AGK: variants seen among roughly 807,000 people sequenced by gnomAD.
AGK encodes the protein acylglycerol kinase, mitochondrial.
In AGK, 52 loss-of-function variants were observed where a neutral mutation model predicts 66.4. That is an observed-to-expected ratio of 0.78 (90% CI 0.63 to 0.99). The LOEUF (loss-of-function observed/expected upper bound fraction) is 0.99, where lower values mean the gene tolerates loss of function less well. Among genes scored for constraint, AGK ranks in the 50% least tolerant of loss-of-function variants. The probability of loss-of-function intolerance (pLI) is 0.00; values close to 1 mark genes in which losing one functional copy is unlikely to be tolerated. For synonymous variants in AGK, 182 were observed against 181.1 expected (o/e 1.00, Z -0.04); for missense variants, 451 against 506.6 (o/e 0.89, Z 1.05).
intron 11 of AGK, among the ~76,000 whole-genome samples, chr7:141,637,470 G>A (rs945544162): frequency 6.6e-6 from 1 of 152,080 alleles, no homozygotes; most frequent in African/African-American, 2.4e-5. Context: ...GGTGGTTACT[G>A]TATTGGAGAG....
intron 15 of AGK, among the ~76,000 whole-genome samples, chr7:141,651,821 C>G (rs954935507): frequency 6.6e-6 from 1 of 152,216 alleles, no homozygotes; most frequent in Admixed American, 6.5e-5. Flanking sequence ...AGTTGGACTT[C>G]TGAAGACTCC....
At chr7:141,576,422 G>A (rs1795739168) in intron 2 of AGK, among the ~76,000 whole-genome samples, 1 of 151,758 alleles carries the variant, frequency 6.6e-6, no homozygotes, top group South Asian at 2.1e-4. Flanking sequence ...GAGAGCAGGG[G>A]TACCAGCCAG....
In AGK at chr7:141,598,508, A is replaced by G. The variant is rs1043075896; in HGVS notation, c.221+1867A>G. Among the ~76,000 whole-genome samples the G allele has an allele frequency of 1.2e-4, 18 of 152,190 alleles. No homozygotes were observed. The highest frequency in any genetic ancestry group is 4.1e-4 in the African/African-American group (17 of 41,450). On this transcript the variant is annotated intron_variant, in intron 4 of 15. Coordinates refer to ENST00000649286, the MANE Select transcript of AGK (RefSeq NM_018238.4). This position sits in a 1 kb window ranked among gnomAD's most constrained non-coding sequence, Gnocchi z 4.2. ...GAGTTAATTCACTTCTTAAATCCCC[A>G]GTTTACTCATCTGTAAAATCAGAAA...
chr7:141,563,636 T>C (rs889628996), intron 2 of AGK, among the ~76,000 whole-genome samples: 1 of 152,206 alleles, frequency 6.6e-6, no homozygotes, highest in African/African-American at 2.4e-5. Context: ...CCCCTTCTCA[T>C]TGGTTGAATG....
chr7:141,602,173 T>TGTGTG (rs1587114560), intron 5 of AGK, among the ~76,000 whole-genome samples: 2,889 of 125,374 alleles, frequency 0.023, 60 homozygotes, highest in South Asian at 0.092. Context: ...GGAGATTTTC[T>TGTGTG]TGTGTGTGTG....
chr7:141,605,191 T>C (rs192857443), intron 5 of AGK, among the ~76,000 whole-genome samples: 3 of 152,324 alleles, frequency 2.0e-5, no homozygotes, highest in Admixed American at 1.3e-4. Flanking sequence ...AGGACTAGCC[T>C]AAAGTTATGG....
chr7:141,614,019 A>G, intron 6 of AGK, 127 bp from the exon 7 acceptor site: 2 of 649,530 alleles, frequency 3.1e-6, no homozygotes, highest in South Asian at 1.9e-5. Flanking sequence ...GATCCAGTGC[A>G]TCTTTTAACA....
At chr7:141,636,557 T>C (rs1183002809) in intron 10 of AGK, among the ~76,000 whole-genome samples, 1 of 152,170 alleles carries the variant, frequency 6.6e-6, no homozygotes, top group Admixed American at 6.6e-5. Flanking sequence ...TACAAGAGAA[T>C]GTACATAGGT....
At chr7:141,641,773 A>T in intron 12 of AGK, 38 bp from the exon 13 acceptor site, 1 of 1,529,158 alleles carries the variant, frequency 6.5e-7, no homozygotes, top group Non-Finnish European at 8.9e-7. Flanking sequence ...TGAAATGTTA[A>T]TGGAAGAAAC....
intron 9 of AGK, among the ~76,000 whole-genome samples, chr7:141,622,700 C>A (rs1407350686): frequency 6.6e-6 from 1 of 152,152 alleles, no homozygotes; most frequent in Non-Finnish European, 1.5e-5. Flanking sequence ...CAATTAATAA[C>A]CCTACTTGGC....
intron 2 of AGK, among the ~76,000 whole-genome samples, chr7:141,588,287 A>G (rs966986891): frequency 3.3e-5 from 5 of 152,312 alleles, no homozygotes; most frequent in Admixed American, 1.3e-4. Flanking sequence ...GATCTTGCAC[A>G]AGAAAGAATT....
At chr7:141,649,095 A>G (rs372408056) in intron 13 of AGK, 168 bp from the exon 14 acceptor site, 114 of 114,488 alleles carry the variant, frequency 1.0e-3, no homozygotes, top group Middle Eastern at 7.9e-3. Flanking sequence ...GCTCTTTGTG[A>G]AAAAAAAAAA....
chr7:141,653,057 C>T lies in AGK; in HGVS notation c.*133C>T, dbSNP rs1797603872. On this transcript the variant is annotated 3_prime_UTR_variant, in exon 16 of 16. Coordinates refer to ENST00000649286, the MANE Select transcript of AGK (RefSeq NM_018238.4). ...ATTTTCATGGCAAGTACCCCTCTGC[C>T]CCCACTCCAGCAGTGCTTCCCAAAG... is the stretch of plus-strand genomic sequence containing the variant. 3 of 1,057,566 alleles carry T rather than the reference C, an allele frequency of 2.8e-6. No homozygotes were observed. The highest frequency in any genetic ancestry group is 4.1e-6 in the Non-Finnish European group (3 of 732,734). The allele number at this position is 1,057,566 out of a possible 1,614,324, so 65.5% of individuals were successfully genotyped here.
In AGK at chr7:141,611,224, C is replaced by G; in HGVS notation, c.327C>G (p.Leu109=). The part of the protein sequence containing the change: ...KTDYEGQAKK[L]LELMENTDVI... ...ATTATGAGGGACAAGCCAAGAAACT[C>G]CTGGAACTGATGGAAAACACGGATG... Residue 109 remains leucine, a synonymous_variant, in exon 6 of 16, where the codon CTC becomes CTG. Coordinates refer to ENST00000649286, the MANE Select transcript of AGK (RefSeq NM_018238.4). The G allele has an allele frequency of 6.2e-7, 1 of 1,613,342 alleles. No individual in the cohort carries two copies.
At chr7:141,594,760 C>T (rs1344093398) in intron 3 of AGK, among the ~76,000 whole-genome samples, 1 of 152,142 alleles carries the variant, frequency 6.6e-6, no homozygotes, top group African/African-American at 2.4e-5. Context: ...TCAAGTGATT[C>T]TCTTGCCTCA....
intron 1 of AGK, among the ~76,000 whole-genome samples, chr7:141,552,062 CACTT>C (rs1198069771): frequency 6.6e-6 from 1 of 152,220 alleles, no homozygotes; most frequent in African/African-American, 2.4e-5. Context: ...CCTCCTCTCT[CACTT>C]ACTACAGTCA....
At chr7:141,566,244 A>G (rs774361180) in intron 2 of AGK, among the ~76,000 whole-genome samples, 1 of 151,704 alleles carries the variant, frequency 6.6e-6, no homozygotes, top group Non-Finnish European at 1.5e-5. Context: ...AGTACTATGA[A>G]CTCCTCCTAT....
chr7:141,569,922 T>G (rs1033700640), intron 2 of AGK, among the ~76,000 whole-genome samples: 5 of 152,260 alleles, frequency 3.3e-5, no homozygotes, highest in African/African-American at 9.6e-5. Context: ...TGCTTCAGAG[T>G]GTGAGCTTCT....
At chr7:141,581,121 G>A (rs1253702809) in intron 2 of AGK, among the ~76,000 whole-genome samples, 2 of 151,928 alleles carry the variant, frequency 1.3e-5, no homozygotes, top group Non-Finnish European at 2.9e-5. Flanking sequence ...TTTTTATGAA[G>A]AATTATGCCG....
Sources: allele counts gnomAD v4.1 joint callset (sites outside exome capture counted in the v4.1 genomes callset), GRCh38; gene constraint gnomAD v4.1.1; non-coding constraint Gnocchi (gnomAD v3.1); transcripts MANE v1.5; gene names NCBI Gene and HGNC (gene_info 2026-07-23, HGNC 2026-07-21).